PTPRD: variants seen among roughly 807,000 people sequenced by gnomAD.
The protein encoded by PTPRD is receptor-type tyrosine-protein phosphatase delta.
In PTPRD, 34 loss-of-function variants were observed where a neutral mutation model predicts 214.5. That is an observed-to-expected ratio of 0.16 (90% CI 0.12 to 0.21). The LOEUF (loss-of-function observed/expected upper bound fraction) is 0.21. Ranked by LOEUF, PTPRD falls within the 10% of genes least tolerant of loss-of-function variation. The pLI, the probability that PTPRD is intolerant of heterozygous loss-of-function variation, is 1.00. For synonymous variants in PTPRD, 1,128 were observed against 845.7 expected (o/e 1.33, Z -5.79); for missense variants, 2,545 against 2,398.7 (o/e 1.06, Z -1.27).
intron 2 of PTPRD, among the ~76,000 whole-genome samples, chr9:10,498,537 A>G (rs2042775221): frequency 6.6e-6 from 1 of 151,906 alleles, no homozygotes; most frequent in African/African-American, 2.4e-5. Context: ...ATATCTCCTC[A>G]AATCTGTAAA....
At chr9:9,584,006 C>T (rs2091409773) in intron 7 of PTPRD, among the ~76,000 whole-genome samples, 1 of 152,032 alleles carries the variant, frequency 6.6e-6, no homozygotes. Flanking sequence ...GCTAAGTATA[C>T]AGTGGTAACT....
intron 2 of PTPRD, among the ~76,000 whole-genome samples, chr9:10,361,151 T>G (rs1005088820): frequency 6.6e-6 from 1 of 152,148 alleles, no homozygotes; most frequent in Admixed American, 6.5e-5. Flanking sequence ...CCCCTTATTT[T>G]GAAAGTCAAA....
At chr9:9,561,848 C>G (rs2083050461) in intron 8 of PTPRD, among the ~76,000 whole-genome samples, 1 of 152,140 alleles carries the variant, frequency 6.6e-6, no homozygotes, top group South Asian at 2.1e-4. Context: ...CTTCCAAGCT[C>G]TTATTGTTGG....
chr9:10,539,248 G>A (rs958098023), intron 2 of PTPRD, among the ~76,000 whole-genome samples: 6 of 152,130 alleles, frequency 3.9e-5, no homozygotes, highest in African/African-American at 1.2e-4. Context: ...GCAGTGGTGT[G>A]ATCTCAGCTC....
intron 36 of PTPRD, among the ~76,000 whole-genome samples, chr9:8,390,063 G>A (rs1474745374): frequency 1.3e-5 from 2 of 152,244 alleles, no homozygotes; most frequent in Non-Finnish European, 1.5e-5. Context: ...TTTAAAACTC[G>A]TGATTTGTTG....
intron 5 of PTPRD, among the ~76,000 whole-genome samples, chr9:9,816,161 G>A (rs1483292921): frequency 1.3e-5 from 2 of 151,922 alleles, no homozygotes; most frequent in Non-Finnish European, 2.9e-5. Flanking sequence ...AATAAAGCTG[G>A]AAAACAAAAT....
intron 8 of PTPRD, among the ~76,000 whole-genome samples, chr9:9,405,092 T>G (rs567133753): frequency 1.3e-5 from 2 of 152,184 alleles, no homozygotes; most frequent in South Asian, 4.1e-4. Flanking sequence ...TAAGCATTTC[T>G]TATAGGAAAC....
chr9:10,011,743 CAG>C (rs1385482518), intron 4 of PTPRD, among the ~76,000 whole-genome samples: 1 of 151,992 alleles, frequency 6.6e-6, no homozygotes, highest in East Asian at 1.9e-4. Context: ...AGAAGAATTT[CAG>C]AGTCATTCAG....
At chr9:9,883,636 T>A (rs748411439) in intron 5 of PTPRD, among the ~76,000 whole-genome samples, 3 of 152,148 alleles carry the variant, frequency 2.0e-5, no homozygotes, top group Non-Finnish European at 4.4e-5. Flanking sequence ...AGTAAAGCAA[T>A]CACCAACAAT....
chr9:10,550,933 A>C (rs1033860029), intron 2 of PTPRD, among the ~76,000 whole-genome samples: 1 of 152,152 alleles, frequency 6.6e-6, no homozygotes, highest in East Asian at 1.9e-4. Flanking sequence ...ATTAACTTTC[A>C]TTCTCCTATG....
At position 10,428,423 on chromosome 9, in the gene PTPRD, T is replaced by A. The variant is rs768462131; in HGVS notation, c.-599-87406A>T. 1.3e-4 allele frequency among the ~76,000 whole-genome samples: 19 copies of A among 151,000 alleles called. 1 individual carries two copies. The highest frequency in any genetic ancestry group is 6.8e-3 in the Middle Eastern group (2 of 294). On this transcript the variant is annotated intron_variant, in intron 2 of 45. Transcript: ENST00000381196. ...CCAACTGTTTAAAATTAATAAGCTATAAATTCTGGGTAAAATATTTTCTAA... is the reference window on the plus strand; with the variant it reads ...CCAACTGTTTAAAATTAATAAGCTAAAAATTCTGGGTAAAATATTTTCTAA...
At chr9:8,379,678 A>G (rs2084356717) in intron 37 of PTPRD, among the ~76,000 whole-genome samples, 1 of 152,076 alleles carries the variant, frequency 6.6e-6, no homozygotes, top group South Asian at 2.1e-4. Context: ...ATTTCTAGAG[A>G]GAGTTACTAT....
rs551847929 is a variant in PTPRD, at chr9:9,628,981, G to T, written c.-286-54200C>A. 2.1e-4 allele frequency among the ~76,000 whole-genome samples: 32 copies of T among 151,866 alleles called. No individual in the cohort carries two copies. In the South Asian group the frequency reaches 5.6e-3, roughly 27 times the overall value. On this transcript the variant is annotated intron_variant, in intron 7 of 45. Transcript: ENST00000381196. ...GAGGTCATGAGTTTGAGACCAGCCT[G>T]ACCAACATGGTGAAACCCCATCTCT...
intron 10 of PTPRD, among the ~76,000 whole-genome samples, chr9:9,037,111 C>T (rs1182828234): frequency 1.3e-5 from 2 of 152,080 alleles, no homozygotes; most frequent in Non-Finnish European, 1.5e-5. Flanking sequence ...TAACTCACTC[C>T]GTGCCTGGAA....
intron 2 of PTPRD, among the ~76,000 whole-genome samples, chr9:10,344,720 G>A (rs758196857): frequency 1.5e-4 from 23 of 152,060 alleles, no homozygotes; most frequent in Non-Finnish European, 2.8e-4. Flanking sequence ...GCAGTGGTTT[G>A]TAGTTCTCAT....
chr9:10,091,141 T>C (rs2098425333), intron 3 of PTPRD, among the ~76,000 whole-genome samples: 2 of 151,474 alleles, frequency 1.3e-5, no homozygotes, highest in Admixed American at 6.6e-5. Flanking sequence ...GCATAGATTA[T>C]AAAATATGTA....
intron 12 of PTPRD, among the ~76,000 whole-genome samples, chr9:8,699,355 T>A (rs987003299): frequency 6.6e-6 from 1 of 152,166 alleles, no homozygotes; most frequent in Non-Finnish European, 1.5e-5. Flanking sequence ...ACACCTCATA[T>A]CATTAAAAGT....
intron 8 of PTPRD, among the ~76,000 whole-genome samples, chr9:9,488,089 C>T (rs2095734363): frequency 6.6e-6 from 1 of 152,078 alleles, no homozygotes; most frequent in Non-Finnish European, 1.5e-5. Flanking sequence ...CTTTATTTTG[C>T]AGCAGAAGAA....
chr9:8,663,599 T>C (rs1322080979), intron 12 of PTPRD, among the ~76,000 whole-genome samples: 1 of 152,132 alleles, frequency 6.6e-6, no homozygotes, highest in East Asian at 1.9e-4. Context: ...CAAGTGATTC[T>C]CCTGCCTCAG....
Sources: allele counts gnomAD v4.1 joint callset (sites outside exome capture counted in the v4.1 genomes callset), GRCh38; gene constraint gnomAD v4.1.1; transcripts MANE v1.5; gene names NCBI Gene and HGNC (gene_info 2026-07-23, HGNC 2026-07-21).